The following IQGAP3 variants were observed in gnomAD, a reference collection of about 807,000 sequenced individuals.
IQGAP3 encodes the protein IQ motif containing GTPase activating protein 3, also known as ras GTPase-activating-like protein IQGAP3.
IQGAP3 carries 165 observed loss-of-function variants against 208.2 expected under a neutral mutation model. That is an observed-to-expected ratio of 0.79 (90% CI 0.70 to 0.90). The LOEUF is 0.90. Among genes scored for constraint, IQGAP3 ranks in the 40% least tolerant of loss-of-function variants. The pLI, the probability that IQGAP3 is intolerant of heterozygous loss-of-function variation, is 0.00. For missense variants in IQGAP3, 1,811 were observed against 2,043.1 expected (o/e 0.89, Z 2.19); for synonymous variants, 703 against 803.6 (o/e 0.87, Z 2.12).
chr1:156,538,282 G>C (rs1409824065), intron 26 of IQGAP3, among the ~76,000 whole-genome samples: 2 of 152,082 alleles, frequency 1.3e-5, no homozygotes, highest in African/African-American at 2.4e-5. Context: ...GGATAGTCTC[G>C]ATCTCCTGAC....
In IQGAP3 at chr1:156,566,645, T is replaced by G. The variant is rs1676412384; in HGVS notation, c.126-99A>C. ...TCTGTCCCTCCTTTTAAGTGGCCCC[T>G]GACCCTCCTCTGCTTCCTGTTCCTG... On this transcript the variant is annotated intron_variant, in intron 2 of 37. Coordinates refer to ENST00000361170, the MANE Select transcript of IQGAP3 (RefSeq NM_178229.5). The G allele has an allele frequency of 3.5e-6, 4 of 1,147,918 alleles. No individual in the cohort carries two copies. The Admixed American group carries it at 8.7e-5, about 25-fold the overall frequency. 71.1% of individuals were successfully genotyped at this position (1,147,918 alleles called of 1,614,324 possible).
chr1:156,569,501 A>G lies in IQGAP3; in HGVS notation c.38-38T>C, dbSNP rs1241536360. ...ACGGGATAAGGTCAATGAAGAGAGC[A>G]TTAGAGGTGCCTTAGCACTGAAGGG... On this transcript the variant is annotated intron_variant, in intron 1 of 37. Transcript: ENST00000361170. 14 of 999,396 alleles carry G rather than the reference A, an allele frequency of 1.4e-5. 1 individual carries two copies. The highest frequency in any genetic ancestry group is 5.3e-5 in the East Asian group (2 of 37,612). The allele number at this position is 999,396 out of a possible 1,614,324, so 61.9% of individuals were successfully genotyped here.
At chr1:156,554,085 C>T (rs894925095) in intron 13 of IQGAP3, 150 bp downstream of exon 13, 6 of 856,262 alleles carry the variant, frequency 7.0e-6, no homozygotes, top group African/African-American at 1.7e-5. Context: ...GGAAGAAACA[C>T]AGGCCAAGGA....
chr1:156,552,228 C>T (rs1675589497), intron 13 of IQGAP3, 133 bp from the exon 14 acceptor site: 2 of 1,121,952 alleles, frequency 1.8e-6, no homozygotes, highest in African/African-American at 1.6e-5. Context: ...TCTTGCCTCA[C>T]AGGCTATTCT....
At chr1:156,544,314 A>T (rs1675128964) in intron 20 of IQGAP3, 75 bp downstream of exon 20, 1 of 1,559,938 alleles carries the variant, frequency 6.4e-7, no homozygotes, top group Non-Finnish European at 8.8e-7. Context: ...AGGTCACAAG[A>T]AGGTGACAAG....
At chr1:156,554,145 T>TCCA in intron 13 of IQGAP3, 90 bp downstream of exon 13, 1 of 1,458,726 alleles carries the variant, frequency 6.9e-7, no homozygotes, top group Non-Finnish European at 9.2e-7. Context: ...TGGGACATCG[T>TCCA]ACACAAGGCA....
intron 37 of IQGAP3, among the ~76,000 whole-genome samples, chr1:156,526,855 C>T (rs144467756): frequency 1.9e-4 from 29 of 152,152 alleles, no homozygotes; most frequent in Admixed American, 7.8e-4. Context: ...TTTTTTGAGA[C>T]GGAGTCTCAC....
At chr1:156,536,736 C>A (rs1361983641) in intron 27 of IQGAP3, 4 of 154,696 alleles carry the variant, frequency 2.6e-5, no homozygotes, top group South Asian at 2.0e-4. Context: ...TCACACTATA[C>A]CCTATGAATA....
chr1:156,525,535 C>T lies in IQGAP3; in HGVS notation c.*951G>A, dbSNP rs1241284067. 3 of 152,392 alleles carry T rather than the reference C, an allele frequency of 2.0e-5. No individual in the cohort carries two copies. The highest frequency in any genetic ancestry group is 3.8e-4 in the East Asian group (2 of 5,196). 9.4% of individuals were successfully genotyped at this position (152,392 alleles called of 1,614,324 possible). A position where few individuals can be genotyped will look rare whatever the true frequency, so the allele number is the denominator to read the frequency against. ...TATGGAAATTGCCTGGAAGAGTCAG[C>T]TGTAAGGGATGAGAATCCTGAGGGT... On this transcript the variant is annotated 3_prime_UTR_variant, in exon 38 of 38. Coordinates refer to ENST00000361170, the MANE Select transcript of IQGAP3 (RefSeq NM_178229.5).
At chr1:156,553,800 C>T (rs959054668) in intron 13 of IQGAP3, among the ~76,000 whole-genome samples, 5 of 152,254 alleles carry the variant, frequency 3.3e-5, no homozygotes, top group Middle Eastern at 3.4e-3. Context: ...AGGCTGGTCC[C>T]AAACTCCCGA....
At chr1:156,534,389 G>T in intron 29 of IQGAP3, 112 bp downstream of exon 29, 2 of 947,104 alleles carry the variant, frequency 2.1e-6, no homozygotes, top group Non-Finnish European at 1.6e-6. Context: ...CGCTCATTAT[G>T]CTCATCCCTT....
intron 23 of IQGAP3, 114 bp downstream of exon 23, chr1:156,540,594 G>A (rs897746942): frequency 2.5e-5 from 22 of 877,242 alleles, no homozygotes; most frequent in Non-Finnish European, 3.9e-5. Flanking sequence ...CCTGAGTCAG[G>A]TGACAAAATC....
At chr1:156,528,129 C>A (rs530776951) in intron 36 of IQGAP3, 69 bp from the exon 37 acceptor site, 3 of 1,175,040 alleles carry the variant, frequency 2.6e-6, no homozygotes, top group Admixed American at 1.7e-5. Flanking sequence ...ATTCTTGCAC[C>A]CACTGCTCCT....
At position 156,534,612 on chromosome 1, in the gene IQGAP3, C is replaced by A. The variant is rs1674598062; in HGVS notation, c.3629G>T (p.Gly1210Val). 1 of 1,612,468 alleles carries A rather than the reference C, an allele frequency of 6.2e-7. No homozygotes were observed. Among genetic ancestry groups the A allele is most frequent in the South Asian group, 1.1e-5 (1 of 90,938 alleles). The change falls in exon 29 of 38, where the codon GGG (glycine) becomes GTG (valine). Residue 1210 changes from glycine to valine, a missense_variant. Coordinates refer to ENST00000361170, the MANE Select transcript of IQGAP3 (RefSeq NM_178229.5). ...GTGCTGTAGGAGCTGAGCCACAGCC[C>A]CCAGGGCATGGCGCTGGGGGGCAGC... is the stretch of plus-strand genomic sequence containing the variant. ...ALAAPQRHALGAVAQLLQHAA... is the reference protein window; with the variant it reads ...ALAAPQRHALVAVAQLLQHAA...
In IQGAP3 at chr1:156,551,820, G is replaced by A. The variant is rs1238383033; in HGVS notation, c.1619C>T (p.Pro540Leu). The change falls in exon 15 of 38, where the codon CCT becomes CTT. Residue 540 changes from proline to leucine, a missense_variant. By Grantham distance (98) the Pro-to-Leu change is moderately conservative. Transcript: ENST00000361170. ...LINEALDKGSPEKTLSALLLP... is the reference protein window; with the variant it reads ...LINEALDKGSLEKTLSALLLP... ...CAGTAGGGCAGACAGAGTCTTCTCA[G>A]GGCTGCCTTTGTCCAGAGCCTCATT... is the stretch of plus-strand genomic sequence containing the variant. 6.2e-7 allele frequency: 1 copy of A among 1,613,588 alleles called. No homozygotes were observed. The highest frequency in any genetic ancestry group is 1.1e-5 in the South Asian group (1 of 90,966).
rs1674547265 is a variant in IQGAP3, at chr1:156,533,908, G to T, written c.3874-33C>A. 4 of 1,603,386 alleles carry T rather than the reference G, an allele frequency of 2.5e-6. No individual in the cohort carries two copies. In the African/African-American group the frequency reaches 5.4e-5, roughly 21 times the overall value. ...ACGGAGAAAGAAAAGGAGATGCAGG[G>T]TCTGAGCCAGGTCTTCCCTCTGGGG... is the stretch of plus-strand genomic sequence containing the variant. On this transcript the variant is annotated intron_variant, in intron 30 of 37. Coordinates refer to ENST00000361170, the MANE Select transcript of IQGAP3 (RefSeq NM_178229.5).
Position 156,528,043 on chromosome 1 carries a change from A to C in IQGAP3, c.4691T>G (p.Phe1564Cys). 6.2e-7 allele frequency: 1 copy of C among 1,614,040 alleles called. No homozygotes were observed. Among genetic ancestry groups the C allele is most frequent in the Non-Finnish European group, 8.5e-7 (1 of 1,179,914 alleles). ...TGCCTCATCTCCCGGCGTGATGTCA[A>C]AGATGACGTTTCTGAAGCTGTCAGG... Reference protein sequence around the residue: ...LPASHFRNVIFDITPGDEAGK... With the variant: ...LPASHFRNVICDITPGDEAGK... The change falls in exon 37 of 38, where the codon TTT (phenylalanine) becomes TGT (cysteine). Residue 1564 changes from phenylalanine to cysteine, a missense_variant. Coordinates refer to ENST00000361170, the MANE Select transcript of IQGAP3 (RefSeq NM_178229.5).
intron 2 of IQGAP3, among the ~76,000 whole-genome samples, chr1:156,567,870 A>G (rs1676478617): frequency 6.6e-6 from 1 of 152,242 alleles, no homozygotes; most frequent in Non-Finnish European, 1.5e-5. Flanking sequence ...TATGGAAGAA[A>G]TGACAGAACT....
chr1:156,562,715 T>G, intron 8 of IQGAP3, 50 bp from the exon 9 acceptor site: 4 of 1,450,380 alleles, frequency 2.8e-6, no homozygotes, highest in Non-Finnish European at 3.9e-6. Context: ...TTTAATCTCC[T>G]TGTCCTGCTC....
Sources: gnomAD v4.1 joint callset for allele counts (sites outside exome capture counted in the v4.1 genomes callset) on GRCh38, gnomAD v4.1.1 for gene constraint, MANE v1.5 for transcripts, NCBI Gene and HGNC (gene_info 2026-07-23, HGNC 2026-07-21) for gene names.